Variants in INSYN2B observed in about 807,000 individuals in gnomAD.
INSYN2B encodes inhibitory synaptic factor family member 2B.
Under a neutral mutation model 41.2 loss-of-function variants are expected in INSYN2B, and 16 were observed. The observed-to-expected ratio is 0.39, with a 90% confidence interval of 0.26 to 0.59. The LOEUF (loss-of-function observed/expected upper bound fraction) is 0.59, where lower values mean the gene tolerates loss of function less well. Among genes scored for constraint, INSYN2B ranks in the 20% least tolerant of loss-of-function variants. The probability of loss-of-function intolerance (pLI) is 0.57; values close to 1 mark genes in which losing one functional copy is unlikely to be tolerated. For missense variants in INSYN2B, 608 were observed against 646.4 expected, an observed-to-expected ratio of 0.94 and a Z score of 0.64; for synonymous variants, 245 against 244.4, an observed-to-expected ratio of 1.00 and a Z score of -0.02.
chr5:169,889,416 C>T (rs563369561), intron 1 of INSYN2B, among the ~76,000 whole-genome samples: 6 of 152,142 alleles, frequency 3.9e-5, no homozygotes, highest in South Asian at 2.1e-4. Flanking sequence ...AGGAAAAAGA[C>T]CTGATCCCTA....
chr5:169,940,785 C>T (rs894830572), intron 1 of INSYN2B, among the ~76,000 whole-genome samples: 2 of 152,206 alleles, frequency 1.3e-5, no homozygotes, highest in African/African-American at 4.8e-5. Context: ...TAAAGCTTCA[C>T]CCACTCACCT....
intron 1 of INSYN2B, among the ~76,000 whole-genome samples, chr5:169,929,505 G>T (rs913855915): frequency 6.6e-6 from 1 of 152,138 alleles, no homozygotes; most frequent in South Asian, 2.1e-4. Flanking sequence ...GGAAGGCTGA[G>T]GGGGGAGGAT....
At chr5:169,894,876 A>G (rs1444923923) in intron 1 of INSYN2B, among the ~76,000 whole-genome samples, 1 of 152,208 alleles carries the variant, frequency 6.6e-6, no homozygotes, top group East Asian at 1.9e-4. Context: ...AAAAGGCAGA[A>G]GTAATAAAAA....
chr5:169,903,527 G>A (rs1581389957), intron 1 of INSYN2B, among the ~76,000 whole-genome samples: 1 of 151,292 alleles, frequency 6.6e-6, no homozygotes, highest in Non-Finnish European at 1.5e-5. Context: ...GCCAGCGGGG[G>A]CCGGGGGGCA....
At chr5:169,879,524 G>A (rs146267057) in intron 3 of INSYN2B, among the ~76,000 whole-genome samples, 1 of 152,164 alleles carries the variant, frequency 6.6e-6, no homozygotes, top group Non-Finnish European at 1.5e-5. Flanking sequence ...ATGGTAATGA[G>A]GGATATATGC....
intron 1 of INSYN2B, among the ~76,000 whole-genome samples, chr5:169,973,156 G>A (rs1268613148): frequency 6.6e-6 from 1 of 152,098 alleles, no homozygotes; most frequent in African/African-American, 2.4e-5. Context: ...TCTCTGGCTT[G>A]GTCACCCGAT....
In INSYN2B at chr5:169,883,853, T is replaced by TA. The variant is rs1772817545; in HGVS notation, c.45dup (p.Asn16Ter). ...ACAAACTCCACTGATTCTAGACTGT[T>TA]ACGCTTTAGAAGCACAGGTCTCACT... On this transcript the variant is annotated frameshift_variant, in exon 2 of 4. Coordinates refer to ENST00000377365, the MANE Select transcript of INSYN2B (RefSeq NM_001129891.3). LOFTEE classifies it high-confidence loss of function. The TA allele has an allele frequency of 6.5e-7, 1 of 1,535,384 alleles. No individual in the cohort carries two copies. The highest frequency in any genetic ancestry group is 8.8e-7 in the Non-Finnish European group (1 of 1,138,372).
At chr5:169,952,608 G>A (rs1432543030) in intron 1 of INSYN2B, among the ~76,000 whole-genome samples, 1 of 152,114 alleles carries the variant, frequency 6.6e-6, no homozygotes, top group Admixed American at 6.6e-5. Context: ...CAACTGACAT[G>A]TTAGCCACAG....
chr5:169,922,163 T>C (rs1347850284), intron 1 of INSYN2B, among the ~76,000 whole-genome samples: 1 of 152,246 alleles, frequency 6.6e-6, no homozygotes, highest in East Asian at 1.9e-4. Flanking sequence ...TTTGCATAGC[T>C]AGGGTGCAGC....
chr5:169,885,823 A>G (rs1454877392), intron 1 of INSYN2B, among the ~76,000 whole-genome samples: 1 of 152,238 alleles, frequency 6.6e-6, no homozygotes, highest in Non-Finnish European at 1.5e-5. Flanking sequence ...TAACTTGCCT[A>G]AACATATCCT....
intron 1 of INSYN2B, among the ~76,000 whole-genome samples, chr5:169,948,549 T>C (rs1316179603): frequency 1.3e-5 from 2 of 152,058 alleles, no homozygotes; most frequent in Non-Finnish European, 2.9e-5. Context: ...TAGATTTTCA[T>C]AGATCTCTCT....
intron 1 of INSYN2B, among the ~76,000 whole-genome samples, chr5:169,896,193 C>G (rs752644501): frequency 6.6e-6 from 1 of 152,134 alleles, no homozygotes; most frequent in East Asian, 1.9e-4. Context: ...GGCGGGGAGG[C>G]AGTCAGCAGT....
rs1389276004 is a variant in INSYN2B at position 169,870,523 on chromosome 5, GT to G, written c.1422-6065del. On this transcript the variant is annotated intron_variant, in intron 3 of 3. Coordinates refer to ENST00000377365, the MANE Select transcript of INSYN2B (RefSeq NM_001129891.3). ...AGAAAGAAATAACAGAAGCCTCTCA[GT>G]TGTATATAACTTTTGAATTTGCAAA... is the stretch of plus-strand genomic sequence containing the variant. Among the ~76,000 whole-genome samples, 27 of 152,086 alleles carry G rather than the reference GT, an allele frequency of 1.8e-4. 1 individual carries two copies. Among genetic ancestry groups the G allele is most frequent in the Admixed American group, 1.6e-3 (24 of 15,246 alleles).
At chr5:169,943,690 G>A (rs1323727204) in intron 1 of INSYN2B, among the ~76,000 whole-genome samples, 1 of 152,124 alleles carries the variant, frequency 6.6e-6, no homozygotes. Context: ...TGTGGTCCTG[G>A]GATCAGTGGA....
At chr5:169,881,791 G>A (rs1313096527) in intron 2 of INSYN2B, among the ~76,000 whole-genome samples, 2 of 152,056 alleles carry the variant, frequency 1.3e-5, no homozygotes, top group South Asian at 4.1e-4. Flanking sequence ...TCTCCTATAC[G>A]GCAGTGCTGA....
intron 1 of INSYN2B, among the ~76,000 whole-genome samples, chr5:169,962,920 G>A (rs557797941): frequency 6.6e-6 from 1 of 152,164 alleles, no homozygotes; most frequent in Non-Finnish European, 1.5e-5. Context: ...GCTATATTCT[G>A]CAAATACCCC....
Position 169,882,885 on chromosome 5 carries a change from A to C in INSYN2B, c.1014T>G (p.Asn338Lys). Reference sequence around the variant, plus strand: ...CACTGTTAGTTTTGAGTGACACCAGATTCTGGTGATTGTTACTTGATGAAG... The same window carrying C: ...CACTGTTAGTTTTGAGTGACACCAGCTTCTGGTGATTGTTACTTGATGAAG... ...DCPSSSNNHQ[N>K]LVSLKTNSAS... Residue 338 changes from asparagine (N) to lysine (K), a missense_variant, in exon 2 of 4, where the codon AAT becomes AAG. Asn to Lys is a moderately conservative substitution (Grantham distance 94). Transcript: ENST00000377365. 1 of 1,551,596 alleles carries C rather than the reference A, an allele frequency of 6.4e-7. No individual in the cohort carries two copies. Among genetic ancestry groups the C allele is most frequent in the Non-Finnish European group, 8.7e-7 (1 of 1,146,824 alleles).
At chr5:169,951,344 C>T (rs1379149982) in intron 1 of INSYN2B, among the ~76,000 whole-genome samples, 1 of 152,200 alleles carries the variant, frequency 6.6e-6, no homozygotes, top group Non-Finnish European at 1.5e-5. Context: ...TGGCCCCAGA[C>T]AGAGGATTCT....
At chr5:169,905,853 T>C (rs1278341693) in intron 1 of INSYN2B, among the ~76,000 whole-genome samples, 1 of 152,222 alleles carries the variant, frequency 6.6e-6, no homozygotes, top group Non-Finnish European at 1.5e-5. Flanking sequence ...CAGGAAGATT[T>C]ACTTTCTGAC....
Sources: allele counts gnomAD v4.1 joint callset (sites outside exome capture counted in the v4.1 genomes callset), GRCh38; gene constraint gnomAD v4.1.1; transcripts MANE v1.5; gene names NCBI Gene and HGNC (gene_info 2026-07-23, HGNC 2026-07-21).